CSMD1: variants seen among roughly 807,000 people sequenced by gnomAD.
The protein encoded by CSMD1 is CUB and sushi domain-containing protein 1.
Under a neutral mutation model 417.5 loss-of-function variants are expected in CSMD1, and 213 were observed. The observed-to-expected ratio is 0.51, with a 90% confidence interval of 0.46 to 0.57. The LOEUF is 0.57. Ranked by LOEUF, CSMD1 falls within the 20% of genes least tolerant of loss-of-function variation. The probability of loss-of-function intolerance (pLI) is 0.00; values close to 1 mark genes in which losing one functional copy is unlikely to be tolerated. For synonymous variants in CSMD1, 2,862 were observed against 1,736.8 expected (o/e 1.65, Z -16.11); for missense variants, 6,923 against 4,529.7 (o/e 1.53, Z -15.17).
At chr8:3,691,993 A>C (rs1303152492) in intron 7 of CSMD1, among the ~76,000 whole-genome samples, 1 of 152,150 alleles carries the variant, frequency 6.6e-6, no homozygotes, top group Non-Finnish European at 1.5e-5. Context: ...CCAGCTCATG[A>C]GACAGGATGC....
chr8:3,139,317 T>G (rs1818296150), intron 41 of CSMD1, among the ~76,000 whole-genome samples: 1 of 152,090 alleles, frequency 6.6e-6, no homozygotes, highest in Non-Finnish European at 1.5e-5. Flanking sequence ...CCTATATAGC[T>G]AAAGTCAGTT....
chr8:4,022,309 ATTAT>A (rs1796829930), intron 4 of CSMD1, among the ~76,000 whole-genome samples: 1 of 151,974 alleles, frequency 6.6e-6, no homozygotes, highest in Admixed American at 6.6e-5. Context: ...GAAGAGAAGT[ATTAT>A]TTAGTGAACA....
intron 1 of CSMD1, among the ~76,000 whole-genome samples, chr8:4,812,472 A>G (rs1220527995): frequency 6.6e-6 from 1 of 152,218 alleles, no homozygotes; most frequent in Non-Finnish European, 1.5e-5. Flanking sequence ...ACATAGAAAT[A>G]ATACTTAAGT....
At chr8:3,323,479 C>G (rs1334034566) in intron 23 of CSMD1, among the ~76,000 whole-genome samples, 1 of 152,120 alleles carries the variant, frequency 6.6e-6, no homozygotes, top group Non-Finnish European at 1.5e-5. Context: ...ACTCCACACC[C>G]ATGATCTTAC....
At chr8:3,537,800 T>C (rs187346977) in intron 10 of CSMD1, among the ~76,000 whole-genome samples, 2 of 152,228 alleles carry the variant, frequency 1.3e-5, no homozygotes, top group East Asian at 3.9e-4. Context: ...GTCTCATCCA[T>C]AGCACTTGGC....
At chr8:3,918,496 G>T (rs549245551) in intron 5 of CSMD1, among the ~76,000 whole-genome samples, 1 of 152,166 alleles carries the variant, frequency 6.6e-6, no homozygotes, top group African/African-American at 2.4e-5. Flanking sequence ...TGTCTTTGCA[G>T]ATATATCTAC....
intron 12 of CSMD1, among the ~76,000 whole-genome samples, chr8:3,413,568 G>A (rs11786790): frequency 1.3e-5 from 2 of 152,174 alleles, no homozygotes; most frequent in African/African-American, 4.8e-5. Flanking sequence ...TTTAGTTATA[G>A]AAGAAATGTA....
intron 12 of CSMD1, among the ~76,000 whole-genome samples, chr8:3,425,587 C>CAA (rs5888966): frequency 0.022 from 2,160 of 97,288 alleles, 48 homozygotes; most frequent in South Asian, 0.053. Flanking sequence ...GATTCGGTCT[C>CAA]AAAAAAAAAA....
chr8:3,112,395 G>A (rs76615298), intron 42 of CSMD1, among the ~76,000 whole-genome samples: 1,575 of 152,224 alleles, frequency 0.01, 12 homozygotes, highest in Non-Finnish European at 0.018. Context: ...CACCCTTCCT[G>A]TTGGGAAAAC....
chr8:3,255,816 G>C (rs551571729), intron 26 of CSMD1, among the ~76,000 whole-genome samples: 1 of 152,088 alleles, frequency 6.6e-6, no homozygotes, highest in Admixed American at 6.6e-5. Context: ...TGTGCTTCCC[G>C]GGTGATGTGA....
intron 3 of CSMD1, among the ~76,000 whole-genome samples, chr8:4,160,792 G>A (rs564444599): frequency 7.9e-5 from 12 of 152,342 alleles, no homozygotes; most frequent in African/African-American, 2.4e-4. Flanking sequence ...TTTTACCCGT[G>A]AAGGTGGTGT....
intron 26 of CSMD1, among the ~76,000 whole-genome samples, chr8:3,233,153 C>T (rs1038789810): frequency 6.6e-6 from 1 of 151,640 alleles, no homozygotes; most frequent in Non-Finnish European, 1.5e-5. Context: ...TATGGCTTGA[C>T]TATTTGTCTC....
chr8:3,401,531 G>A (rs1452909506), intron 15 of CSMD1, among the ~76,000 whole-genome samples: 1 of 152,136 alleles, frequency 6.6e-6, no homozygotes, highest in Non-Finnish European at 1.5e-5. Context: ...TAGATTGTAA[G>A]TAAGTAAATA....
chr8:4,500,983 T>C (rs1802232011), intron 2 of CSMD1, among the ~76,000 whole-genome samples: 1 of 152,038 alleles, frequency 6.6e-6, no homozygotes, highest in African/African-American at 2.4e-5. Flanking sequence ...CACCAAGAGG[T>C]TGATGATGTC....
intron 25 of CSMD1, among the ~76,000 whole-genome samples, chr8:3,300,443 C>T (rs1409584645): frequency 6.6e-6 from 1 of 151,960 alleles, no homozygotes; most frequent in Non-Finnish European, 1.5e-5. Flanking sequence ...TTATCCTGCA[C>T]ATAATGAGTG....
At chr8:4,470,103 C>G (rs1299383329) in intron 2 of CSMD1, among the ~76,000 whole-genome samples, 1 of 152,004 alleles carries the variant, frequency 6.6e-6, no homozygotes, top group Non-Finnish European at 1.5e-5. Context: ...ATCTCCTGAT[C>G]TCGTGATCCG....
intron 5 of CSMD1, among the ~76,000 whole-genome samples, chr8:3,794,859 A>C (rs1003121191): frequency 9.7e-6 from 1 of 103,540 alleles, no homozygotes; most frequent in African/African-American, 2.8e-5. Context: ...ATCCGGGATC[A>C]ATTTACCAAT....
chr8:3,465,991 A>G (rs772454079), intron 12 of CSMD1, among the ~76,000 whole-genome samples: 2 of 151,940 alleles, frequency 1.3e-5, no homozygotes, highest in Non-Finnish European at 2.9e-5. Flanking sequence ...TCATCTAAAC[A>G]CCCCTCAGTT....
In CSMD1 at chr8:4,452,199, C is replaced by A. The variant is rs376041048; in HGVS notation, c.303-32134G>T. On this transcript the variant is annotated intron_variant, in intron 2 of 69. Transcript: ENST00000635120. ...TCTCTTCGCTTAGTGCACGTTTCTG[C>A]TTTTTATCAGTTTGACTGCCTGAGA... Among the ~76,000 whole-genome samples, 12 of 152,106 alleles carry A rather than the reference C, an allele frequency of 7.9e-5. No homozygotes were observed. The East Asian group carries it at 1.7e-3, about 22-fold the overall frequency.
Sources: allele counts gnomAD v4.1 joint callset (sites outside exome capture counted in the v4.1 genomes callset), GRCh38; gene constraint gnomAD v4.1.1; transcripts MANE v1.5; gene names NCBI Gene and HGNC (gene_info 2026-07-23, HGNC 2026-07-21).